The following ITPR2 variants were observed in gnomAD, a reference collection of about 807,000 sequenced individuals.
ITPR2 encodes the protein inositol 1,4,5-trisphosphate-gated calcium channel ITPR2.
ITPR2 carries 207 observed loss-of-function variants against 317.1 expected under a neutral mutation model. The ratio of observed to expected loss-of-function variants is 0.65; its 90% CI spans 0.58 to 0.73. The LOEUF (loss-of-function observed/expected upper bound fraction) is 0.73, where lower values mean the gene tolerates loss of function less well. Among genes scored for constraint, ITPR2 ranks in the 30% least tolerant of loss-of-function variants. The pLI is 0.00. For missense variants in ITPR2, 2,613 were observed against 3,284.0 expected, an observed-to-expected ratio of 0.80 and a Z score of 4.99; for synonymous variants, 1,156 against 1,149.1, an observed-to-expected ratio of 1.01 and a Z score of -0.12.
chr12:26,722,773 G>A (rs748172807), intron 4 of ITPR2, among the ~76,000 whole-genome samples: 7 of 151,792 alleles, frequency 4.6e-5, no homozygotes, highest in Non-Finnish European at 7.4e-5. Context: ...TAATGAAGTC[G>A]GCATAATAGG....
intron 48 of ITPR2, among the ~76,000 whole-genome samples, chr12:26,428,614 G>A (rs548179484): frequency 1.1e-4 from 17 of 152,110 alleles, no homozygotes; most frequent in Middle Eastern, 3.4e-3. Flanking sequence ...GTATGAGTAC[G>A]TGCATGAGTG....
At chr12:26,749,732 C>T (rs1949384497) in intron 2 of ITPR2, among the ~76,000 whole-genome samples, 1 of 152,088 alleles carries the variant, frequency 6.6e-6, no homozygotes, top group South Asian at 2.1e-4. Context: ...GGCATGTGTC[C>T]CCTATCTATG....
chr12:26,696,966 T>C (rs1948363431), intron 9 of ITPR2, among the ~76,000 whole-genome samples: 2 of 152,178 alleles, frequency 1.3e-5, no homozygotes, highest in Admixed American at 1.3e-4. Flanking sequence ...GAAAAGATGA[T>C]GGCCAAGGCC....
At chr12:26,530,924 C>T (rs766554047) in intron 37 of ITPR2, among the ~76,000 whole-genome samples, 13 of 152,124 alleles carry the variant, frequency 8.5e-5, no homozygotes, top group Non-Finnish European at 1.8e-4. Context: ...CAAAATAAAT[C>T]ATAAATTTTT....
chr12:26,810,461 C>T (rs1425030383), intron 1 of ITPR2, among the ~76,000 whole-genome samples: 8 of 152,206 alleles, frequency 5.3e-5, no homozygotes, highest in Non-Finnish European at 8.8e-5. Flanking sequence ...CAGCACAGCC[C>T]GGCTCAGACA....
At chr12:26,567,697 G>A (rs10842756) in intron 34 of ITPR2, among the ~76,000 whole-genome samples, 55,550 of 151,172 alleles carry the variant, frequency 0.37, 11,790 homozygotes, top group South Asian at 0.5. Flanking sequence ...AAATAAATTC[G>A]CTGCACTGTC....
chr12:26,452,345 T>C (rs7314514), intron 45 of ITPR2, among the ~76,000 whole-genome samples: 129,239 of 151,922 alleles, frequency 0.85, 55,294 homozygotes, highest in Non-Finnish European at 0.89. Context: ...AACATGTAGA[T>C]ACTCTTAATA....
chr12:26,555,679 G>A (rs1380044914), intron 36 of ITPR2, among the ~76,000 whole-genome samples: 1 of 151,682 alleles, frequency 6.6e-6, no homozygotes, highest in East Asian at 2.0e-4. Context: ...AGCGGCAGAT[G>A]AGGATCATCC....
intron 21 of ITPR2, among the ~76,000 whole-genome samples, chr12:26,644,674 A>G (rs1220206438): frequency 1.3e-5 from 2 of 152,124 alleles, no homozygotes; most frequent in African/African-American, 4.8e-5. Context: ...ACACAAGAAC[A>G]GCACAGGAAG....
intron 5 of ITPR2, among the ~76,000 whole-genome samples, chr12:26,716,477 G>A (rs1404410935): frequency 1.3e-5 from 2 of 152,034 alleles, no homozygotes; most frequent in Non-Finnish European, 2.9e-5. Context: ...AGCTAGTGTG[G>A]ATCTTTTTCA....
chr12:26,758,112 A>G (rs1949560519), intron 2 of ITPR2, among the ~76,000 whole-genome samples: 1 of 152,210 alleles, frequency 6.6e-6, no homozygotes, highest in East Asian at 1.9e-4. Flanking sequence ...TCCTGTCTCT[A>G]TCTCTCAATC....
chr12:26,471,133 A>G (rs1169299633), intron 45 of ITPR2, among the ~76,000 whole-genome samples: 1 of 152,202 alleles, frequency 6.6e-6, no homozygotes, highest in Non-Finnish European at 1.5e-5. Flanking sequence ...ACAGCTTGCT[A>G]TCTAATACTT....
At chr12:26,432,461 C>T (rs956240206) in intron 48 of ITPR2, among the ~76,000 whole-genome samples, 1 of 152,162 alleles carries the variant, frequency 6.6e-6, no homozygotes, top group African/African-American at 2.4e-5. Flanking sequence ...TAATACTGAT[C>T]ACTTAGCTAA....
At chr12:26,389,741 T>C (rs1247375816) in intron 54 of ITPR2, among the ~76,000 whole-genome samples, 1 of 152,198 alleles carries the variant, frequency 6.6e-6, no homozygotes, top group African/African-American at 2.4e-5. Flanking sequence ...CACCTCCTTA[T>C]AGACTGAATA....
chr12:26,601,637 A>T (rs1945999833), intron 28 of ITPR2, among the ~76,000 whole-genome samples: 1 of 152,234 alleles, frequency 6.6e-6, no homozygotes, highest in African/African-American at 2.4e-5. Flanking sequence ...GAATATATAC[A>T]AACCCATACT....
intron 6 of ITPR2, 90 bp downstream of exon 6, chr12:26,716,054 T>C: frequency 2.3e-6 from 2 of 866,622 alleles, no homozygotes; most frequent in Non-Finnish European, 3.7e-6. Flanking sequence ...ATTATGCTCA[T>C]GAAAACAATG....
At chr12:26,779,354 T>C (rs909867443) in intron 2 of ITPR2, among the ~76,000 whole-genome samples, 1 of 152,184 alleles carries the variant, frequency 6.6e-6, no homozygotes, top group African/African-American at 2.4e-5. Context: ...TGACCTGAAC[T>C]CCCTATCATG....
At chr12:26,683,726 A>C (rs1022924269) in intron 11 of ITPR2, among the ~76,000 whole-genome samples, 12 of 152,242 alleles carry the variant, frequency 7.9e-5, no homozygotes, top group African/African-American at 2.9e-4. Flanking sequence ...ATGAATTTTA[A>C]AGATTGACTA....
chr12:26,539,683 G>A (rs368610664), intron 37 of ITPR2, among the ~76,000 whole-genome samples: 5 of 152,312 alleles, frequency 3.3e-5, no homozygotes, highest in East Asian at 3.9e-4. Flanking sequence ...CACACAGTGA[G>A]CAAAAGACAA....
Sources: allele counts gnomAD v4.1 joint callset (sites outside exome capture counted in the v4.1 genomes callset), GRCh38; gene constraint gnomAD v4.1.1; transcripts MANE v1.5; gene names NCBI Gene and HGNC (gene_info 2026-07-23, HGNC 2026-07-21).